OARD1: variants seen among roughly 807,000 people sequenced by gnomAD.
OARD1 encodes the protein ADP-ribose glycohydrolase OARD1.
A neutral mutation model predicts 19.7 loss-of-function variants in OARD1; 19 were observed. The observed-to-expected ratio is 0.96, with a 90% confidence interval of 0.67 to 1.41. OARD1 has a LOEUF of 1.41. Ranked by LOEUF, OARD1 falls within the 40% of genes most tolerant of loss-of-function variation. OARD1 has a pLI of 0.00. For synonymous variants in OARD1, 70 were observed against 61.8 expected, an observed-to-expected ratio of 1.13 and a Z score of -0.62; for missense variants, 190 against 183.8, an observed-to-expected ratio of 1.03 and a Z score of -0.20.
intron 1 of OARD1, among the ~76,000 whole-genome samples, chr6:41,090,468 C>T (rs1172699404): frequency 1.3e-5 from 2 of 151,662 alleles, no homozygotes; most frequent in South Asian, 2.1e-4. Context: ...TTGTTGGTTT[C>T]TTGTCACCAT....
chr6:41,093,418 AT>A (rs1051589593), intron 1 of OARD1, among the ~76,000 whole-genome samples: 55 of 151,888 alleles, frequency 3.6e-4, no homozygotes, highest in African/African-American at 1.2e-3. Context: ...ATGGTCCAAG[AT>A]TCCTGCTTAG....
At chr6:41,070,828 G>T in intron 3 of OARD1, 1 of 557,326 alleles carries the variant, frequency 1.8e-6, no homozygotes, top group Non-Finnish European at 3.1e-6. Flanking sequence ...CAGAATATTG[G>T]TAAGTAAAGG....
Position 41,068,837 on chromosome 6 carries a change from T to C in OARD1, c.356+4A>G. 1 of 1,471,802 alleles carries C rather than the reference T, an allele frequency of 6.8e-7. No individual in the cohort carries two copies. The highest frequency in any genetic ancestry group is 1.2e-5 in the South Asian group (1 of 83,282). The allele number at this position is 1,471,802 out of a possible 1,614,324, so 91.2% of individuals were successfully genotyped here. ...TCTCCATTTAGGACCATGGATTTCCTTGCCTGGGCATGGAGAGGTCAGTGA... is the reference window on the plus strand; with the variant it reads ...TCTCCATTTAGGACCATGGATTTCCCTGCCTGGGCATGGAGAGGTCAGTGA... On this transcript the variant is annotated splice_donor_region_variant and intron_variant, in intron 5 of 5. Coordinates refer to ENST00000424266, the MANE Select transcript of OARD1 (RefSeq NM_001329686.2).
Position 41,071,209 on chromosome 6 carries a change from T to C in OARD1, c.107A>G (p.Glu36Gly). 1 of 1,613,224 alleles carries C rather than the reference T, an allele frequency of 6.2e-7. No individual in the cohort carries two copies. Among genetic ancestry groups the C allele is most frequent in the Non-Finnish European group, 8.5e-7 (1 of 1,179,144 alleles). ...TATCCCAGCGCCCATGCGACAATCC[T>C]CACTGATACAGTGGGCTAAAGAGTC... ...KTDSLAHCISEDCRMGAGIAV... is the reference protein window; with the variant it reads ...KTDSLAHCISGDCRMGAGIAV... The change falls in exon 3 of 6, where the codon GAG becomes GGG. Residue 36 changes from glutamate (E) to glycine (G), a missense_variant. Transcript: ENST00000424266.
chr6:41,092,954 C>T, intron 1 of OARD1: 1 of 1,613,920 alleles, frequency 6.2e-7, no homozygotes, highest in Non-Finnish European at 8.5e-7. Context: ...CCAAAGAATC[C>T]CTCTACCTGG....
At chr6:41,078,832 A>G (rs1164341491) in intron 1 of OARD1, among the ~76,000 whole-genome samples, 4 of 152,248 alleles carry the variant, frequency 2.6e-5, no homozygotes, top group Non-Finnish European at 5.9e-5. Context: ...AGCATTTTAG[A>G]AACGTGAAAA....
At chr6:41,073,826 C>G (rs1763634545), upstream of OARD1, among the ~76,000 whole-genome samples, 1 of 152,160 alleles carries the variant, frequency 6.6e-6, no homozygotes, top group South Asian at 2.1e-4. Context: ...TCCGGCCCGG[C>G]GCCGTTACCA....
intron 3 of OARD1, 45 bp from the exon 4 acceptor site, chr6:41,070,179 A>G: frequency 1.0e-6 from 1 of 1,001,214 alleles, no homozygotes; most frequent in South Asian, 1.4e-5. Flanking sequence ...AGAAAACCAA[A>G]CACTGATCTC....
At position 41,071,582 on chromosome 6, in the gene OARD1, T is replaced by C. The variant is rs375112845; in HGVS notation, c.39+14A>G. The C allele has an allele frequency of 6.2e-7, 1 of 1,606,118 alleles. No homozygotes were observed. Among genetic ancestry groups the C allele is most frequent in the Non-Finnish European group, 8.5e-7 (1 of 1,172,728 alleles). On this transcript the variant is annotated intron_variant, in intron 2 of 5. Coordinates refer to ENST00000424266, the MANE Select transcript of OARD1 (RefSeq NM_001329686.2). The stretch of plus-strand genomic sequence containing the variant: ...GAATTTCAGTTCACCAATAAGTCAA[T>C]AGTTGTTACGCACTCTGCTTCCTTC...
intron 1 of OARD1, among the ~76,000 whole-genome samples, chr6:41,094,862 C>T (rs1345207837): frequency 1.3e-5 from 2 of 152,200 alleles, no homozygotes; most frequent in Non-Finnish European, 2.9e-5. Context: ...GTCTTTGTCA[C>T]TTATTACTAT....
chr6:41,077,845 C>T (rs1282521915), intron 1 of OARD1, among the ~76,000 whole-genome samples: 1 of 152,188 alleles, frequency 6.6e-6, no homozygotes, highest in Non-Finnish European at 1.5e-5. Flanking sequence ...CACAAGTCCT[C>T]TTGCTGTGAT....
intron 1 of OARD1, among the ~76,000 whole-genome samples, chr6:41,080,538 T>C (rs924113009): frequency 7.2e-5 from 11 of 152,324 alleles, no homozygotes; most frequent in African/African-American, 2.6e-4. Flanking sequence ...GATTCCTGTT[T>C]CTGGAGGGAA....
chr6:41,067,362 G>A lies in OARD1; in HGVS notation c.432C>T (p.Asp144=), dbSNP rs367707236. Residue 144 remains aspartate, a synonymous_variant, in exon 6 of 6, where the codon GAC becomes GAT. Transcript: ENST00000424266. The part of the protein sequence containing the change: ...AMIEEVFEAT[D]IKITVYTL ...AGAGTGTGTACACAGTAATTTTGAT[G>A]TCTGTTGCCTCAAATACCTCCTCGA... 4 of 1,612,310 alleles carry A rather than the reference G, an allele frequency of 2.5e-6. No homozygotes were observed. Among genetic ancestry groups the A allele is most frequent in the Admixed American group, 1.7e-5 (1 of 60,016 alleles).
chr6:41,089,039 G>C (rs1020037759), intron 1 of OARD1, among the ~76,000 whole-genome samples: 1 of 152,078 alleles, frequency 6.6e-6, no homozygotes, highest in Non-Finnish European at 1.5e-5. Context: ...AGGCTGGAGT[G>C]CAGTGGCGTG....
upstream of OARD1, among the ~76,000 whole-genome samples, chr6:41,074,188 T>C (rs1363836620): frequency 6.6e-6 from 1 of 152,254 alleles, no homozygotes; most frequent in Admixed American, 6.5e-5. Flanking sequence ...TCTCTTGGTT[T>C]ATGTTTTTCT....
At chr6:41,073,630 G>A (rs529232030), upstream of OARD1, among the ~76,000 whole-genome samples, 1 of 152,092 alleles carries the variant, frequency 6.6e-6, no homozygotes, top group African/African-American at 2.4e-5. Flanking sequence ...CGGGAGGGAG[G>A]CCTGGGGAGG....
At chr6:41,070,556 A>T (rs1763283686) in intron 3 of OARD1, among the ~76,000 whole-genome samples, 1 of 152,214 alleles carries the variant, frequency 6.6e-6, no homozygotes, top group Non-Finnish European at 1.5e-5. Flanking sequence ...AAAAGGAATT[A>T]ATTATTACAG....
chr6:41,094,710 G>A (rs1051221001), intron 1 of OARD1, among the ~76,000 whole-genome samples: 2 of 152,150 alleles, frequency 1.3e-5, no homozygotes, highest in Non-Finnish European at 2.9e-5. Flanking sequence ...CACTTTGGGA[G>A]GCTGAGGTGG....
upstream of OARD1, chr6:41,073,070 GGGGAGCGA>G (rs1763561570): frequency 1.3e-5 from 2 of 153,922 alleles, no homozygotes; most frequent in African/African-American, 4.8e-5. Context: ...CAGCGAACCG[GGGGAGCGA>G]GGCACGGTGA....
Sources: gnomAD v4.1 joint callset for allele counts (sites outside exome capture counted in the v4.1 genomes callset) on GRCh38, gnomAD v4.1.1 for gene constraint, MANE v1.5 for transcripts, NCBI Gene and HGNC (gene_info 2026-07-23, HGNC 2026-07-21) for gene names.